Variants in CSMD3 observed in about 807,000 individuals in gnomAD.
CSMD3 encodes CUB and Sushi multiple domains 3.
Under a neutral mutation model 435.2 loss-of-function variants are expected in CSMD3, and 177 were observed. That is an observed-to-expected ratio of 0.41 (90% CI 0.36 to 0.46). CSMD3 has a LOEUF of 0.46. Ranked by LOEUF, CSMD3 falls within the 20% of genes least tolerant of loss-of-function variation. The pLI is 0.34. For synonymous variants in CSMD3, 1,656 were observed against 1,520.5 expected (o/e 1.09, Z -2.07); for missense variants, 4,265 against 4,504.6 (o/e 0.95, Z 1.52).
At chr8:112,312,263 G>T (rs921630711) in intron 49 of CSMD3, among the ~76,000 whole-genome samples, 10 of 151,560 alleles carry the variant, frequency 6.6e-5, no homozygotes, top group Non-Finnish European at 1.2e-4. Flanking sequence ...CAGTTTTTTG[G>T]TTTTTTTTGA....
chr8:113,027,874 C>T (rs1397296621), intron 5 of CSMD3, among the ~76,000 whole-genome samples: 1 of 152,000 alleles, frequency 6.6e-6, no homozygotes, highest in Non-Finnish European at 1.5e-5. Flanking sequence ...TATCTAGAAA[C>T]ATGCTTCAGA....
intron 10 of CSMD3, among the ~76,000 whole-genome samples, chr8:112,867,124 G>T: frequency 6.6e-6 from 1 of 152,122 alleles, no homozygotes; most frequent in Middle Eastern, 3.2e-3. Flanking sequence ...ATGAGATTCG[G>T]ATGTTGAGAG....
intron 11 of CSMD3, among the ~76,000 whole-genome samples, chr8:112,832,413 G>C (rs1352031017): frequency 6.6e-6 from 1 of 152,122 alleles, no homozygotes; most frequent in East Asian, 1.9e-4. Context: ...TTCATCAAAA[G>C]GGAGATTATC....
At chr8:112,691,082 C>A (rs927934581) in intron 13 of CSMD3, among the ~76,000 whole-genome samples, 4 of 151,980 alleles carry the variant, frequency 2.6e-5, no homozygotes, top group Non-Finnish European at 5.9e-5. Context: ...ATTATCTTCA[C>A]AAAAACTATG....
chr8:112,399,895 T>G (rs1831172751), intron 35 of CSMD3, among the ~76,000 whole-genome samples: 1 of 152,162 alleles, frequency 6.6e-6, no homozygotes, highest in Non-Finnish European at 1.5e-5. Context: ...TAAAAAGATG[T>G]TGCCTTTCTC....
chr8:112,656,406 T>C, intron 17 of CSMD3, 65 bp from the exon 18 acceptor site: 1 of 1,197,456 alleles, frequency 8.4e-7, no homozygotes, highest in Non-Finnish European at 1.2e-6. Context: ...AATAATGCTT[T>C]GGACTGCTAT....
chr8:112,296,017 T>C lies in CSMD3; in HGVS notation c.8441-11A>G, dbSNP rs1820225807. ...TTCCACAATGACCCGCTGAAATACGTTATAAAGTAATATTTTTAATACTGT... is the reference window on the plus strand; with the variant it reads ...TTCCACAATGACCCGCTGAAATACGCTATAAAGTAATATTTTTAATACTGT... On this transcript the variant is annotated splice_polypyrimidine_tract_variant and intron_variant, in intron 53 of 70. Coordinates refer to ENST00000297405, the MANE Select transcript of CSMD3 (RefSeq NM_198123.2). The C allele has an allele frequency of 1.9e-6, 3 of 1,597,360 alleles. No homozygotes were observed. Among genetic ancestry groups the C allele is most frequent in the Non-Finnish European group, 2.6e-6 (3 of 1,165,492 alleles).
At chr8:112,917,724 G>C (rs1400475582) in intron 10 of CSMD3, among the ~76,000 whole-genome samples, 1 of 151,928 alleles carries the variant, frequency 6.6e-6, no homozygotes, top group East Asian at 1.9e-4. Context: ...TATTGGAATT[G>C]TAGAATAGTG....
chr8:112,869,975 C>A (rs1283960824), intron 10 of CSMD3, among the ~76,000 whole-genome samples: 1 of 152,128 alleles, frequency 6.6e-6, no homozygotes, highest in African/African-American at 2.4e-5. Context: ...TGCAGCAAAC[C>A]ACCATGGCAC....
intron 5 of CSMD3, among the ~76,000 whole-genome samples, chr8:113,031,572 T>C (rs1183212723): frequency 6.6e-6 from 1 of 151,666 alleles, no homozygotes; most frequent in Non-Finnish European, 1.5e-5. Flanking sequence ...ATTCTTGTGA[T>C]GGAATTTCCC....
chr8:112,547,597 G>A (rs892951938), intron 27 of CSMD3, among the ~76,000 whole-genome samples: 4 of 152,016 alleles, frequency 2.6e-5, no homozygotes, highest in South Asian at 2.1e-4. Flanking sequence ...GAATTGCTAC[G>A]CCTTTTATAC....
intron 16 of CSMD3, among the ~76,000 whole-genome samples, chr8:112,678,212 C>CA (rs1400711909): frequency 6.6e-6 from 1 of 152,100 alleles, no homozygotes; most frequent in Non-Finnish European, 1.5e-5. Flanking sequence ...TCTGTAGACT[C>CA]AGATTCACCA....
At chr8:112,887,294 A>G (rs1433674572) in intron 10 of CSMD3, among the ~76,000 whole-genome samples, 1 of 150,556 alleles carries the variant, frequency 6.6e-6, no homozygotes. Context: ...ACAGCTACAA[A>G]ACAAAGTCCA....
rs368012163 is a variant in CSMD3, at chr8:112,587,143, T to C, written c.3808A>G (p.Ser1270Gly). The C allele has an allele frequency of 6.2e-7, 1 of 1,606,072 alleles. No homozygotes were observed. The highest frequency in any genetic ancestry group is 8.5e-7 in the Non-Finnish European group (1 of 1,173,322). ...CCCTTTCCTGCTTGAACCTGAATAC[T>C]ATAAATGCATTCATGGTTGTTTTCA... ...NYENNHECIY[S>G]IQVQAGKGIN... The change falls in exon 23 of 71, where the codon AGT becomes GGT. Residue 1270 changes from serine (S) to glycine (G), a missense_variant. Ser to Gly is a moderately conservative substitution (Grantham distance 56). Around this residue, in one of 3 missense-constraint regions of CSMD3, gnomAD observed 3,255 missense variants for 3,380.2 expected, o/e 0.96. Coordinates refer to ENST00000297405, the MANE Select transcript of CSMD3 (RefSeq NM_198123.2).
At chr8:112,911,730 T>A (rs971948609) in intron 10 of CSMD3, among the ~76,000 whole-genome samples, 1 of 147,726 alleles carries the variant, frequency 6.8e-6, no homozygotes, top group African/African-American at 2.5e-5. Context: ...TATATAATTA[T>A]GTATTATATT....
At chr8:113,242,051 T>C (rs1202495043) in intron 3 of CSMD3, among the ~76,000 whole-genome samples, 1 of 151,474 alleles carries the variant, frequency 6.6e-6, no homozygotes, top group Non-Finnish European at 1.5e-5. Context: ...AAACATAAAA[T>C]AGTTTGACTT....
chr8:112,827,716 G>C (rs1479567512), intron 12 of CSMD3, among the ~76,000 whole-genome samples: 4 of 152,124 alleles, frequency 2.6e-5, no homozygotes, highest in Non-Finnish European at 5.9e-5. Flanking sequence ...AATTGATAAA[G>C]AAAGCAATCC....
intron 10 of CSMD3, among the ~76,000 whole-genome samples, chr8:112,875,218 TTTTC>T (rs1423036190): frequency 6.6e-6 from 1 of 151,912 alleles, no homozygotes; most frequent in African/African-American, 2.4e-5. Context: ...TTGAAAATTC[TTTTC>T]TTTAAGAATG....
At chr8:112,538,273 T>A (rs1351326004) in intron 27 of CSMD3, among the ~76,000 whole-genome samples, 1 of 152,106 alleles carries the variant, frequency 6.6e-6, no homozygotes. Context: ...GCCTTTTTTC[T>A]AAGATCTGGA....
Sources: allele counts gnomAD v4.1 joint callset (sites outside exome capture counted in the v4.1 genomes callset), GRCh38; gene constraint gnomAD v4.1.1; regional missense constraint gnomAD v4.1.1; transcripts MANE v1.5; gene names NCBI Gene and HGNC (gene_info 2026-07-23, HGNC 2026-07-21).